Variants in ADGRG7 observed in about 807,000 individuals in gnomAD.
The protein encoded by ADGRG7 is G-protein coupled receptor 128.
ADGRG7 carries 82 observed loss-of-function variants against 88.6 expected under a neutral mutation model. The observed-to-expected ratio is 0.93, with a 90% CI of 0.77 to 1.11. The LOEUF (loss-of-function observed/expected upper bound fraction) is 1.11. ADGRG7 is among the 50% of genes most tolerant of loss of function. The probability of loss-of-function intolerance (pLI) is 0.00; values close to 1 mark genes in which losing one functional copy is unlikely to be tolerated. For missense variants in ADGRG7, 945 were observed against 953.4 expected (o/e 0.99, Z 0.12); for synonymous variants, 381 against 345.2 (o/e 1.10, Z -1.15).
chr3:100,629,824 T>TA (rs760173258), intron 2 of ADGRG7, 113 bp downstream of exon 2: 2 of 684,584 alleles, frequency 2.9e-6, no homozygotes, highest in Non-Finnish European at 5.1e-6. Flanking sequence ...ACAATGGACA[T>TA]AATGATGATG....
chr3:100,668,599 G>T (rs936835117), intron 14 of ADGRG7, among the ~76,000 whole-genome samples: 4 of 151,908 alleles, frequency 2.6e-5, no homozygotes, highest in African/African-American at 9.7e-5. Flanking sequence ...GCTCCCAGGT[G>T]CCAAAAAAGG....
At chr3:100,648,879 T>C (rs985700017) in intron 10 of ADGRG7, among the ~76,000 whole-genome samples, 3 of 152,144 alleles carry the variant, frequency 2.0e-5, no homozygotes, top group Non-Finnish European at 4.4e-5. Context: ...CTCACCAGAT[T>C]TCTAAGATTA....
At chr3:100,625,138 T>A (rs1392347364) in intron 1 of ADGRG7, among the ~76,000 whole-genome samples, 2 of 152,238 alleles carry the variant, frequency 1.3e-5, no homozygotes, top group African/African-American at 4.8e-5. Context: ...GTATGGCCAT[T>A]TTCATGATAT....
intron 11 of ADGRG7, 130 bp downstream of exon 11, chr3:100,649,937 A>T: frequency 2.1e-6 from 1 of 487,604 alleles, no homozygotes; most frequent in Non-Finnish European, 3.6e-6. Context: ...ACAGAGGAGG[A>T]CATTTAGGCC....
At chr3:100,656,041 G>T (rs769492241) in intron 13 of ADGRG7, 46 bp downstream of exon 13, 10 of 1,195,982 alleles carry the variant, frequency 8.4e-6, no homozygotes, top group African/African-American at 3.0e-5. Flanking sequence ...ACCTAAAAGT[G>T]TAACTGTTCA....
At chr3:100,690,961 G>A (rs1559694985) in intron 15 of ADGRG7, among the ~76,000 whole-genome samples, 1 of 152,240 alleles carries the variant, frequency 6.6e-6, no homozygotes, top group Non-Finnish European at 1.5e-5. Flanking sequence ...TGTCCCCAGA[G>A]GTGGAGCCTA....
intron 11 of ADGRG7, among the ~76,000 whole-genome samples, chr3:100,650,218 AAT>A (rs1485564056): frequency 6.6e-6 from 1 of 152,224 alleles, no homozygotes; most frequent in African/African-American, 2.4e-5. Flanking sequence ...GTTTTTCAAA[AAT>A]ATAGTTTTCA....
chr3:100,635,687 T>G lies in ADGRG7; in HGVS notation c.458T>G (p.Val153Gly). The G allele has an allele frequency of 6.2e-7, 1 of 1,613,514 alleles. No individual in the cohort carries two copies. The highest frequency in any genetic ancestry group is 2.2e-5 in the East Asian group (1 of 44,862). The change falls in exon 5 of 16, where the codon GTC becomes GGC. Residue 153 changes from valine (V) to glycine (G), a missense_variant. Physicochemically the swap from Val to Gly is moderately radical, Grantham distance 109. Transcript: ENST00000273352. ...TGGTTTTTAAAACAGGTAAAGGATG[T>G]CACAGCACCACTTAATAACATTTCT... The part of the protein sequence containing the change: ...LETLEKQVKD[V>G]TAPLNNISSE...
At position 100,653,314 on chromosome 3, in the gene ADGRG7, T is replaced by G. The variant is rs1437441754; in HGVS notation, c.1380-1521T>G. Among the ~76,000 whole-genome samples the G allele has an allele frequency of 2.0e-5, 3 of 152,256 alleles. No homozygotes were observed. The East Asian group carries it at 5.8e-4, about 29-fold the overall frequency. ...AAGTAAGCTGAATATTACCTAATTT[T>G]GTTTTAAAGCTGTTACACTGTTATG... On this transcript the variant is annotated intron_variant, in intron 11 of 15. Transcript: ENST00000273352.
In ADGRG7 at chr3:100,637,871, G is replaced by A. The variant is rs146096044; in HGVS notation, c.698+469G>A. ...TAGCTTTACTCTTGATCCCTTCGTG[G>A]GACTTGTGATAGGGGTGCCCCGTTT... is the stretch of plus-strand genomic sequence containing the variant. On this transcript the variant is annotated intron_variant, in intron 6 of 15. Coordinates refer to ENST00000273352, the MANE Select transcript of ADGRG7 (RefSeq NM_032787.3). 5.7e-4 allele frequency among the ~76,000 whole-genome samples: 87 copies of A among 152,230 alleles called. 1 individual carries two copies. In the East Asian group the frequency reaches 0.015, roughly 27 times the overall value.
chr3:100,666,965 G>A (rs946798704), intron 14 of ADGRG7, among the ~76,000 whole-genome samples: 2 of 152,098 alleles, frequency 1.3e-5, no homozygotes, highest in Non-Finnish European at 2.9e-5. Flanking sequence ...ACGGGGTTGG[G>A]GGTAAGGTCA....
At chr3:100,676,620 G>A (rs1230910957) in intron 15 of ADGRG7, among the ~76,000 whole-genome samples, 1 of 152,032 alleles carries the variant, frequency 6.6e-6, no homozygotes, top group Non-Finnish European at 1.5e-5. Context: ...GGCCCATTTA[G>A]TATATAGTGC....
At chr3:100,651,192 T>A (rs1224716972) in intron 11 of ADGRG7, among the ~76,000 whole-genome samples, 1 of 152,176 alleles carries the variant, frequency 6.6e-6, no homozygotes, top group African/African-American at 2.4e-5. Context: ...AACAGACAGA[T>A]AATCTCCCAT....
rs1707532671 is a variant in ADGRG7, at chr3:100,635,876, G to T, written c.597+50G>T. 4 of 1,372,846 alleles carry T rather than the reference G, an allele frequency of 2.9e-6. No individual in the cohort carries two copies. In the East Asian group the frequency reaches 1.0e-4, roughly 34 times the overall value. 85.0% of individuals were successfully genotyped at this position (1,372,846 alleles called of 1,614,324 possible). ...AAATTTTTTTTTTATTTTTAGAGGG[G>T]GTGTTGGGAAAGAAAGAGAGATGTC... On this transcript the variant is annotated intron_variant, in intron 5 of 15. Transcript: ENST00000273352.
chr3:100,671,086 C>T (rs2094957857), intron 15 of ADGRG7, among the ~76,000 whole-genome samples: 1 of 152,152 alleles, frequency 6.6e-6, no homozygotes. Context: ...ATGTCTGCAT[C>T]AAATGGTATT....
intron 4 of ADGRG7, among the ~76,000 whole-genome samples, chr3:100,633,747 C>G (rs555430941): frequency 4.5e-4 from 68 of 152,250 alleles, no homozygotes; most frequent in African/African-American, 1.5e-3. Flanking sequence ...GTCTCGAACT[C>G]CTGACCACAG....
chr3:100,646,485 G>A, intron 9 of ADGRG7, 84 bp from the exon 10 acceptor site: 1 of 1,035,932 alleles, frequency 9.7e-7, no homozygotes, highest in East Asian at 2.5e-5. Flanking sequence ...TCATTTCTCA[G>A]ATGACTGTCT....
intron 8 of ADGRG7, among the ~76,000 whole-genome samples, chr3:100,643,836 T>C (rs1009207494): frequency 2.0e-5 from 3 of 152,262 alleles, no homozygotes; most frequent in African/African-American, 7.2e-5. Context: ...TTTTTTCTTT[T>C]TTCAAAAGCC....
intron 15 of ADGRG7, among the ~76,000 whole-genome samples, chr3:100,681,024 A>T (rs1030282973): frequency 2.0e-5 from 3 of 152,178 alleles, no homozygotes; most frequent in African/African-American, 7.2e-5. Context: ...ATAAACCTTT[A>T]AAAAATTAAA....
Sources: gnomAD v4.1 joint callset for allele counts (sites outside exome capture counted in the v4.1 genomes callset) on GRCh38, gnomAD v4.1.1 for gene constraint, MANE v1.5 for transcripts, NCBI Gene and HGNC (gene_info 2026-07-23, HGNC 2026-07-21) for gene names.